Variants in MED29 observed in about 807,000 individuals in gnomAD.
The protein encoded by MED29 is mediator complex subunit 29, also known as mediator of RNA polymerase II transcription subunit 29.
In MED29, 14 loss-of-function variants were observed where a neutral mutation model predicts 22.0. The observed-to-expected ratio is 0.64, with a 90% CI of 0.42 to 0.99. The LOEUF is 0.99. Among genes scored for constraint, MED29 ranks in the 50% least tolerant of loss-of-function variants. The pLI is 0.00. For missense variants in MED29, 241 were observed against 253.7 expected (o/e 0.95, Z 0.34); for synonymous variants, 123 against 107.8 (o/e 1.14, Z -0.87).
Position 39,393,589 on chromosome 19 carries a change from G to T in MED29, c.312G>T (p.Lys104Asn). The change falls in exon 3 of 4, where the codon AAG becomes AAT. Residue 104 changes from lysine (K) to asparagine (N), a missense_variant. Transcript: ENST00000315588. ...SSDGPIQRFD[K>N]CLEEFYALCD... Reference sequence around the variant, plus strand: ...ATGGACCCATACAGCGCTTTGACAAGTGCCTGGAAGAGTTCTATGCACTCT... The same window carrying T: ...ATGGACCCATACAGCGCTTTGACAATTGCCTGGAAGAGTTCTATGCACTCT... 6.2e-6 allele frequency: 10 copies of T among 1,614,164 alleles called. No individual in the cohort carries two copies. Among genetic ancestry groups the T allele is most frequent in the Non-Finnish European group, 8.5e-6 (10 of 1,180,010 alleles).
chr19:39,396,886 G>T (rs960027168), intron 3 of MED29, among the ~76,000 whole-genome samples: 1 of 151,782 alleles, frequency 6.6e-6, no homozygotes, highest in African/African-American at 2.4e-5. Flanking sequence ...AAATTAGCCG[G>T]GTGTGGTGGC....
rs750988894 is a variant in MED29 at position 39,398,054 on chromosome 19, C to T, written c.*355C>T. On this transcript the variant is annotated 3_prime_UTR_variant, in exon 4 of 4. Coordinates refer to ENST00000315588, the MANE Select transcript of MED29 (RefSeq NM_017592.4). ...TGGGAGGTGGTCTCTGTGTGCCACT[C>T]CTCTGTGTCTCTATTACAGTTGTGT... The T allele has an allele frequency of 5.9e-5, 30 of 505,014 alleles. No individual in the cohort carries two copies. Among genetic ancestry groups the T allele is most frequent in the Admixed American group, 3.9e-4 (11 of 28,568 alleles). 31.3% of individuals were successfully genotyped at this position (505,014 alleles called of 1,614,324 possible). A position where few individuals can be genotyped will look rare whatever the true frequency, so the allele number is the denominator to read the frequency against.
chr19:39,398,824 G>C lies in MED29; in HGVS notation c.*1125G>C, dbSNP rs112063338. 1 of 152,226 alleles carries C rather than the reference G, an allele frequency of 6.6e-6. No individual in the cohort carries two copies. Among genetic ancestry groups the C allele is most frequent in the South Asian group, 2.1e-4 (1 of 4,828 alleles). 9.4% of individuals were successfully genotyped at this position (152,226 alleles called of 1,614,324 possible). A position where few individuals can be genotyped will look rare whatever the true frequency, so the allele number is the denominator to read the frequency against. On this transcript the variant is annotated 3_prime_UTR_variant, in exon 4 of 4. Transcript: ENST00000315588. ...CTTCTGTGCCATGGTTCCCACATTC[G>C]CACTCCATGGCCTCCTGTCCTGGAC... is the stretch of plus-strand genomic sequence containing the variant.
rs1295538228 is a variant in MED29 at position 39,399,012 on chromosome 19, G to A, written c.*1313G>A. 6.6e-6 allele frequency: 1 copy of A among 152,334 alleles called. No homozygotes were observed. Among genetic ancestry groups the A allele is most frequent in the Non-Finnish European group, 1.5e-5 (1 of 68,026 alleles). The allele number at this position is 152,334 out of a possible 1,614,324, so 9.4% of individuals were successfully genotyped here. Reference sequence around the variant, plus strand: ...CCGAGCATGTAGGGCAAGAAGGAAGGCTGAAGCGCTGTCCCTAGGAGGAAT... The same window carrying A: ...CCGAGCATGTAGGGCAAGAAGGAAGACTGAAGCGCTGTCCCTAGGAGGAAT... On this transcript the variant is annotated 3_prime_UTR_variant, in exon 4 of 4. Coordinates refer to ENST00000315588, the MANE Select transcript of MED29 (RefSeq NM_017592.4).
intron 2 of MED29, among the ~76,000 whole-genome samples, chr19:39,393,245 G>A (rs1332657739): frequency 6.6e-6 from 1 of 151,540 alleles, no homozygotes; most frequent in Non-Finnish European, 1.5e-5. Context: ...ACAGGCGCGT[G>A]CCAGCACATC....
At chr19:39,392,023 A>G (rs2078386629) in intron 1 of MED29, among the ~76,000 whole-genome samples, 1 of 152,108 alleles carries the variant, frequency 6.6e-6, no homozygotes, top group African/African-American at 2.4e-5. Context: ...AGACTCCGTC[A>G]AAAAAATAAA....
At position 39,400,243 on chromosome 19, in the gene MED29, G is replaced by T. The variant is rs1028897739; in HGVS notation, c.*2544G>T. ...AAAATTCAAAAATTAGCCAGGTGTGGTGGTGCGTGCCCAGGTTCCCAGGTA... is the reference window on the plus strand; with the variant it reads ...AAAATTCAAAAATTAGCCAGGTGTGTTGGTGCGTGCCCAGGTTCCCAGGTA... On this transcript the variant is annotated 3_prime_UTR_variant, in exon 4 of 4. Transcript: ENST00000315588. 12 of 152,190 alleles carry T rather than the reference G, an allele frequency of 7.9e-5. No individual in the cohort carries two copies. The highest frequency in any genetic ancestry group is 1.5e-4 in the Non-Finnish European group (10 of 68,054). The allele number at this position is 152,190 out of a possible 1,614,324, so 9.4% of individuals were successfully genotyped here.
Position 39,392,533 on chromosome 19 carries a change from C to G in MED29, c.275+11C>G, listed in dbSNP as rs779450591. On this transcript the variant is annotated intron_variant, in intron 2 of 3. Transcript: ENST00000315588. ...CATCGACAATGGACAGTGAGTGCAGCCCCCTTTACCAGGATATTCTATTGC... is the reference window on the plus strand; with the variant it reads ...CATCGACAATGGACAGTGAGTGCAGGCCCCTTTACCAGGATATTCTATTGC... 2.5e-6 allele frequency: 4 copies of G among 1,612,768 alleles called. No individual in the cohort carries two copies. The South Asian group carries it at 4.4e-5, about 18-fold the overall frequency.
At position 39,397,511 on chromosome 19, in the gene MED29, A is replaced by G. The variant is rs1331329810; in HGVS notation, c.415A>G (p.Thr139Ala). ...QSCDSAKHSP[T>A]LVPTATKPDA... ...TTGTGACAGTGCCAAGCACTCTCCA[A>G]CGTTGGTGCCCACAGCCACCAAGCC... Residue 139 changes from threonine (T) to alanine (A), a missense_variant, in exon 4 of 4, where the codon ACG (threonine) becomes GCG (alanine). By Grantham distance (58) the Thr-to-Ala change is moderately conservative (BLOSUM62 0). Coordinates refer to ENST00000315588, the MANE Select transcript of MED29 (RefSeq NM_017592.4). 1 of 1,611,754 alleles carries G rather than the reference A, an allele frequency of 6.2e-7. No homozygotes were observed. The highest frequency in any genetic ancestry group is 8.5e-7 in the Non-Finnish European group (1 of 1,180,004).
At position 39,397,541 on chromosome 19, in the gene MED29, G is replaced by A. The variant is rs1342109038; in HGVS notation, c.445G>A (p.Ala149Thr). The A allele has an allele frequency of 1.6e-5, 26 of 1,613,230 alleles. No individual in the cohort carries two copies. The highest frequency in any genetic ancestry group is 2.2e-5 in the East Asian group (1 of 44,900). Residue 149 changes from alanine (A) to threonine (T), a missense_variant, in exon 4 of 4, where the codon GCA (alanine) becomes ACA (threonine). Transcript: ENST00000315588. ...TLVPTATKPD[A>T]VQPDSLPYPQ... ...GGTGCCCACAGCCACCAAGCCCGAC[G>A]CAGTGCAGCCTGACAGCCTCCCCTA...
chr19:39,394,547 G>A (rs191423670), intron 3 of MED29, among the ~76,000 whole-genome samples: 45 of 139,602 alleles, frequency 3.2e-4, no homozygotes, highest in Admixed American at 9.7e-4. Context: ...ATGAGCCACT[G>A]CACCCGGCCT....
At chr19:39,392,559 C>A (rs1368942967) in intron 2 of MED29, 37 bp downstream of exon 2, 1 of 1,568,804 alleles carries the variant, frequency 6.4e-7, no homozygotes, top group Non-Finnish European at 8.8e-7. Context: ...ATTCTATTGC[C>A]TTCCCAGTCT....
Position 39,391,560 on chromosome 19 carries a change from C to T in MED29, c.138C>T (p.Leu46=). ...AQLVGPAQSG[L]LQQQQQDFDP... Reference sequence around the variant, plus strand: ...TGGTGGGCCCTGCCCAGAGCGGCCTCCTGCAGCAACAGCAACAGGACTTCG... The same window carrying T: ...TGGTGGGCCCTGCCCAGAGCGGCCTTCTGCAGCAACAGCAACAGGACTTCG... The change falls in exon 1 of 4, where the codon CTC becomes CTT. Residue 46 remains leucine, a synonymous_variant. Coordinates refer to ENST00000315588, the MANE Select transcript of MED29 (RefSeq NM_017592.4). 2.5e-6 allele frequency: 4 copies of T among 1,613,686 alleles called. No individual in the cohort carries two copies. Among genetic ancestry groups the T allele is most frequent in the Non-Finnish European group, 3.4e-6 (4 of 1,179,910 alleles).
intron 3 of MED29, 116 bp from the exon 4 acceptor site, chr19:39,397,341 G>C (rs922817622): frequency 4.3e-6 from 5 of 1,159,454 alleles, no homozygotes; most frequent in Non-Finnish European, 6.1e-6. Flanking sequence ...GCCAACCTCT[G>C]ACTCTAAGAC....
chr19:39,395,734 C>A (rs1203012784), intron 3 of MED29, among the ~76,000 whole-genome samples: 3 of 151,718 alleles, frequency 2.0e-5, no homozygotes, highest in Non-Finnish European at 4.4e-5. Context: ...CTGGCTAACA[C>A]GATGAAACCC....
rs771737020 is a variant in MED29, at chr19:39,391,480, C to G, written c.58C>G (p.Pro20Ala). The G allele has an allele frequency of 2.5e-6, 4 of 1,613,374 alleles. No individual in the cohort carries two copies. The highest frequency in any genetic ancestry group is 2.2e-5 in the South Asian group (2 of 91,066). Residue 20 changes from proline to alanine, a missense_variant, in exon 1 of 4, where the codon CCT becomes GCT. By Grantham distance (27) the Pro-to-Ala change is conservative. Coordinates refer to ENST00000315588, the MANE Select transcript of MED29 (RefSeq NM_017592.4). ...AASSAAGVSG[P>A]SSAGGPGPQQ... is the part of the protein sequence containing the mutation. ...TTCCTCAGCTGCTGGTGTATCGGGT[C>G]CTAGTTCGGCTGGCGGCCCGGGTCC... is the stretch of plus-strand genomic sequence containing the variant.
chr19:39,397,387 C>A, intron 3 of MED29, 70 bp from the exon 4 acceptor site: 1 of 1,511,536 alleles, frequency 6.6e-7, no homozygotes, highest in Non-Finnish European at 9.0e-7. Flanking sequence ...CAACCCCCAG[C>A]TGGCCCTTGG....
Position 39,391,550 on chromosome 19 carries a change from A to G in MED29, c.128A>G (p.Gln43Arg). 1 of 1,613,730 alleles carries G rather than the reference A, an allele frequency of 6.2e-7. No homozygotes were observed. The change falls in exon 1 of 4, where the codon CAG becomes CGG. Residue 43 changes from glutamine to arginine, a missense_variant. Coordinates refer to ENST00000315588, the MANE Select transcript of MED29 (RefSeq NM_017592.4). ...QPPAQLVGPA[Q>R]SGLLQQQQQD... is the part of the protein sequence containing the mutation. ...CCAGCACAACTGGTGGGCCCTGCCC[A>G]GAGCGGCCTCCTGCAGCAACAGCAA...
chr19:39,395,809 A>T (rs1437271504), intron 3 of MED29, among the ~76,000 whole-genome samples: 4 of 151,786 alleles, frequency 2.6e-5, no homozygotes, highest in African/African-American at 7.3e-5. Flanking sequence ...CCCAGCTACT[A>T]GGGAGGCTGA....
Sources: gnomAD v4.1 joint callset for allele counts (sites outside exome capture counted in the v4.1 genomes callset) on GRCh38, gnomAD v4.1.1 for gene constraint, MANE v1.5 for transcripts, NCBI Gene and HGNC (gene_info 2026-07-23, HGNC 2026-07-21) for gene names.